The following ASIC2 variants were observed in gnomAD, a reference collection of about 807,000 sequenced individuals.
ASIC2 encodes acid-sensing ion channel 2.
In ASIC2, 25 loss-of-function variants were observed where a neutral mutation model predicts 57.3. The ratio of observed to expected loss-of-function variants is 0.44; its 90% CI spans 0.32 to 0.61. The LOEUF is 0.61. ASIC2 is among the 20% of genes least tolerant of loss of function. ASIC2 has a pLI of 0.06. For synonymous variants in ASIC2, 319 were observed against 307.5 expected, an observed-to-expected ratio of 1.04 and a Z score of -0.39; for missense variants, 641 against 738.1, an observed-to-expected ratio of 0.87 and a Z score of 1.52.
intron 1 of ASIC2, among the ~76,000 whole-genome samples, chr17:33,176,507 G>T (rs1905763620): frequency 6.6e-6 from 1 of 152,066 alleles, no homozygotes; most frequent in African/African-American, 2.4e-5. Flanking sequence ...GCCCAGCTAA[G>T]TTTTAAACAT....
At chr17:33,645,353 G>C (rs1302712487) in intron 1 of ASIC2, among the ~76,000 whole-genome samples, 1 of 152,106 alleles carries the variant, frequency 6.6e-6, no homozygotes, top group Non-Finnish European at 1.5e-5. Flanking sequence ...GAAGGGCTTT[G>C]GTTTCATTTA....
At chr17:33,420,996 A>G (rs1443223819) in intron 1 of ASIC2, among the ~76,000 whole-genome samples, 1 of 152,216 alleles carries the variant, frequency 6.6e-6, no homozygotes, top group Non-Finnish European at 1.5e-5. Context: ...GGTTTAGTGA[A>G]GTTTCTACTT....
chr17:33,559,565 T>A (rs559472584), intron 1 of ASIC2, among the ~76,000 whole-genome samples: 1 of 152,216 alleles, frequency 6.6e-6, no homozygotes, highest in Non-Finnish European at 1.5e-5. Context: ...AGTTTTGTAG[T>A]CACTTATGGC....
Position 34,010,857 on chromosome 17 carries a change from T to C in ASIC2, c.555+145121A>G, listed in dbSNP as rs1906692147. On this transcript the variant is annotated intron_variant, in intron 1 of 9. Transcript: ENST00000359872. ...TACCAATAAAACACTCCAGGCTCCTTCAATCCACTGCAACCCCTGCTCAGA... is the reference window on the plus strand; with the variant it reads ...TACCAATAAAACACTCCAGGCTCCTCCAATCCACTGCAACCCCTGCTCAGA... Among the ~76,000 whole-genome samples the C allele has an allele frequency of 7.9e-5, 12 of 151,860 alleles. No homozygotes were observed. In the South Asian group the frequency reaches 2.5e-3, roughly 32 times the overall value.
At chr17:33,533,756 T>C (rs1002352754) in intron 1 of ASIC2, 4 of 152,300 alleles carry the variant, frequency 2.6e-5, no homozygotes, top group African/African-American at 9.6e-5. Flanking sequence ...CATAGCCGGA[T>C]GGAAGATAAG....
intron 1 of ASIC2, among the ~76,000 whole-genome samples, chr17:33,961,653 T>G (rs1010028785): frequency 2.0e-5 from 3 of 152,204 alleles, no homozygotes; most frequent in Admixed American, 1.3e-4. Flanking sequence ...ATAATTGCCT[T>G]CTCAGGTGAT....
intron 1 of ASIC2, among the ~76,000 whole-genome samples, chr17:34,117,831 G>A (rs1486162415): frequency 6.6e-6 from 1 of 152,142 alleles, no homozygotes; most frequent in Non-Finnish European, 1.5e-5. Flanking sequence ...CCAAGATTGA[G>A]AAAAGAGGAG....
chr17:33,949,316 G>A (rs947823529), intron 1 of ASIC2, among the ~76,000 whole-genome samples: 7 of 152,124 alleles, frequency 4.6e-5, no homozygotes, highest in African/African-American at 1.7e-4. Context: ...CAGTGCAGAT[G>A]TCACACTGCC....
chr17:33,286,183 C>A (rs1443570067), intron 1 of ASIC2, among the ~76,000 whole-genome samples: 1 of 152,218 alleles, frequency 6.6e-6, no homozygotes. Flanking sequence ...CAAGTAGCAG[C>A]CAGCTTGTCT....
At chr17:33,682,843 AG>A (rs1308576786) in intron 1 of ASIC2, among the ~76,000 whole-genome samples, 35 of 152,318 alleles carry the variant, frequency 2.3e-4, no homozygotes, top group Non-Finnish European at 5.9e-5. Context: ...CCCAGTACTA[AG>A]GTAATGCTGT....
At chr17:33,425,863 T>C (rs1911201307) in intron 1 of ASIC2, among the ~76,000 whole-genome samples, 1 of 152,106 alleles carries the variant, frequency 6.6e-6, no homozygotes, top group Admixed American at 6.5e-5. Flanking sequence ...AGGATGTGCA[T>C]ATTTTGCTAG....
chr17:33,490,532 T>C (rs1913719276), intron 1 of ASIC2, among the ~76,000 whole-genome samples: 1 of 152,184 alleles, frequency 6.6e-6, no homozygotes, highest in Non-Finnish European at 1.5e-5. Context: ...GTGTTTTCCA[T>C]GCCGTTCCAT....
chr17:33,613,795 T>G (rs9898728), intron 1 of ASIC2, among the ~76,000 whole-genome samples: 67,521 of 152,094 alleles, frequency 0.44, 15,304 homozygotes, highest in Middle Eastern at 0.53. Flanking sequence ...CCACGGGTCT[T>G]TCTCATACTA....
intron 1 of ASIC2, among the ~76,000 whole-genome samples, chr17:33,839,465 T>C (rs953514173): frequency 3.9e-5 from 6 of 152,220 alleles, no homozygotes; most frequent in Non-Finnish European, 5.9e-5. Flanking sequence ...GGCAGTCATT[T>C]ATTTATTGTC....
chr17:33,887,685 A>G (rs1290801954), intron 1 of ASIC2, among the ~76,000 whole-genome samples: 1 of 152,168 alleles, frequency 6.6e-6, no homozygotes, highest in African/African-American at 2.4e-5. Flanking sequence ...CTTGTTAGGA[A>G]AAATCACCGG....
intron 1 of ASIC2, among the ~76,000 whole-genome samples, chr17:33,562,344 C>T (rs965579879): frequency 4.6e-5 from 7 of 152,036 alleles, no homozygotes; most frequent in Admixed American, 3.9e-4. Flanking sequence ...ACCTAGTGTA[C>T]GCTAGGTGCT....
At chr17:33,472,985 C>T (rs1913104840) in intron 1 of ASIC2, among the ~76,000 whole-genome samples, 1 of 152,182 alleles carries the variant, frequency 6.6e-6, no homozygotes, top group Admixed American at 6.5e-5. Flanking sequence ...AATGGGAATA[C>T]TAATAGTTTC....
At chr17:33,210,532 C>T (rs982682994) in intron 1 of ASIC2, among the ~76,000 whole-genome samples, 2 of 152,190 alleles carry the variant, frequency 1.3e-5, no homozygotes, top group African/African-American at 4.8e-5. Flanking sequence ...TGTGAAAGCT[C>T]AGCCCATATG....
In ASIC2 at chr17:33,013,382, G is replaced by T. The variant is rs7217893; in HGVS notation, c.*583C>A. On this transcript the variant is annotated 3_prime_UTR_variant, in exon 10 of 10. Coordinates refer to ENST00000225823, the MANE Select transcript of ASIC2 (RefSeq NM_183377.2). Reference sequence around the variant, plus strand: ...GCTGTGCCGCCGTCATAGGCACTGGGGGGGAGGGAGGTTGGCGCGGGTCAC... The same window carrying T: ...GCTGTGCCGCCGTCATAGGCACTGGTGGGGAGGGAGGTTGGCGCGGGTCAC... 7.3e-3 allele frequency: 1,124 copies of T among 153,378 alleles called. 12 individuals are homozygous for T. The highest frequency in any genetic ancestry group is 0.027 in the African/African-American group (1,059 of 39,922). 9.5% of individuals were successfully genotyped at this position (153,378 alleles called of 1,614,324 possible).
Sources: allele counts gnomAD v4.1 joint callset (sites outside exome capture counted in the v4.1 genomes callset), GRCh38; gene constraint gnomAD v4.1.1; transcripts MANE v1.5; gene names NCBI Gene and HGNC (gene_info 2026-07-23, HGNC 2026-07-21).